The following PIRT variants were observed in gnomAD, a reference collection of about 807,000 sequenced individuals.
PIRT encodes the protein phosphoinositide-interacting protein.
PIRT carries 6 observed loss-of-function variants against 7.9 expected under a neutral mutation model. The observed-to-expected ratio is 0.76, with a 90% confidence interval of 0.42 to 1.51. The LOEUF (loss-of-function observed/expected upper bound fraction) is 1.51, where lower values mean the gene tolerates loss of function less well. PIRT is among the 40% of genes most tolerant of loss of function. PIRT has a pLI of 0.01. For synonymous variants in PIRT, 78 were observed against 71.8 expected (o/e 1.09, Z -0.44); for missense variants, 170 against 172.9 (o/e 0.98, Z 0.09).
chr17:10,824,015 C>G lies in PIRT; in HGVS notation c.*1217G>C, dbSNP rs1905260345. On this transcript the variant is annotated 3_prime_UTR_variant, in exon 2 of 2. Transcript: ENST00000580256. ...CCATTCTTTCCCCTCTTTGGTAACT[C>G]TTATCTTTCCTTTTGTTTTTGGGTT... 1 of 152,296 alleles carries G rather than the reference C, an allele frequency of 6.6e-6. No individual in the cohort carries two copies. The highest frequency in any genetic ancestry group is 2.1e-4 in the South Asian group (1 of 4,836). 9.4% of individuals were successfully genotyped at this position (152,296 alleles called of 1,614,324 possible). A position where few individuals can be genotyped will look rare whatever the true frequency, so the allele number is the denominator to read the frequency against.
intron 1 of PIRT, among the ~76,000 whole-genome samples, chr17:10,826,268 A>G (rs940457173): frequency 2.0e-5 from 3 of 152,144 alleles, no homozygotes; most frequent in Non-Finnish European, 2.9e-5. Flanking sequence ...CCGGCCAGCT[A>G]TATTTTGTTG....
At chr17:10,828,297 T>G (rs1395734943) in intron 1 of PIRT, among the ~76,000 whole-genome samples, 2 of 152,136 alleles carry the variant, frequency 1.3e-5, no homozygotes, top group Non-Finnish European at 2.9e-5. Context: ...ATGACTTTCC[T>G]TAAGCAGCTC....
intron 1 of PIRT, among the ~76,000 whole-genome samples, chr17:10,835,437 C>T (rs147192291): frequency 6.6e-6 from 1 of 152,336 alleles, no homozygotes; most frequent in African/African-American, 2.4e-5. Flanking sequence ...CCCAAGATGA[C>T]TCACAGATGA....
At chr17:10,830,275 G>A (rs943452644) in intron 1 of PIRT, among the ~76,000 whole-genome samples, 4 of 152,146 alleles carry the variant, frequency 2.6e-5, no homozygotes, top group African/African-American at 7.2e-5. Context: ...GCTGTGAGTG[G>A]AACTCTGTAC....
rs1905263605 is a variant in PIRT, at chr17:10,824,198, A to AG, written c.*1033dup. The AG allele has an allele frequency of 6.6e-6, 1 of 152,210 alleles. No individual in the cohort carries two copies. The highest frequency in any genetic ancestry group is 1.5e-5 in the Non-Finnish European group (1 of 68,044). 9.4% of individuals were successfully genotyped at this position (152,210 alleles called of 1,614,324 possible). A position where few individuals can be genotyped will look rare whatever the true frequency, so the allele number is the denominator to read the frequency against. ...CAGGGACCGTGTCTTGCCCCCAGCCAGGGCTTATCCCAGAATGCGACACTT... is the reference window on the plus strand; with the variant it reads ...CAGGGACCGTGTCTTGCCCCCAGCCAGGGGCTTATCCCAGAATGCGACACTT... On this transcript the variant is annotated 3_prime_UTR_variant, in exon 2 of 2. Coordinates refer to ENST00000580256, the MANE Select transcript of PIRT (RefSeq NM_001101387.2).
intron 1 of PIRT, among the ~76,000 whole-genome samples, chr17:10,834,900 T>G (rs536248989): frequency 0.034 from 5,123 of 150,948 alleles, 271 homozygotes; most frequent in African/African-American, 0.11. Context: ...TTGTTTGTTT[T>G]TTTTTTTTTT....
Position 10,825,740 on chromosome 17 carries a change from A to T in PIRT, c.-95T>A, listed in dbSNP as rs1000552834. The T allele has an allele frequency of 4.0e-6, 5 of 1,263,414 alleles. No individual in the cohort carries two copies. Among genetic ancestry groups the T allele is most frequent in the Non-Finnish European group, 5.2e-6 (5 of 963,172 alleles). The allele number at this position is 1,263,414 out of a possible 1,614,324, so 78.3% of individuals were successfully genotyped here. A position where few individuals can be genotyped will look rare whatever the true frequency, so the allele number is the denominator to read the frequency against. On this transcript the variant is annotated 5_prime_UTR_variant, in exon 2 of 2. An upstream start codon of the reference 5' UTR is lost. Transcript: ENST00000580256. ...CACACCCTTCCTGTACTCAGCATCC[A>T]TCTCTAGCCCCGCTCTCAGTGGAGG...
intron 1 of PIRT, among the ~76,000 whole-genome samples, chr17:10,836,206 C>T (rs1319179937): frequency 1.3e-5 from 2 of 152,120 alleles, no homozygotes; most frequent in Admixed American, 1.3e-4. Flanking sequence ...CCCGGCCAAT[C>T]CTGCTCTTTT....
At chr17:10,834,185 GA>G (rs369253690) in intron 1 of PIRT, among the ~76,000 whole-genome samples, 87 of 151,064 alleles carry the variant, frequency 5.8e-4, no homozygotes, top group African/African-American at 2.0e-3. Flanking sequence ...AAATAAAAAA[GA>G]AAAAAAAGAA....
Position 10,824,377 on chromosome 17 carries a change from C to T in PIRT, c.*855G>A, listed in dbSNP as rs1352661668. The T allele has an allele frequency of 2.0e-5, 3 of 152,160 alleles. No homozygotes were observed. Among genetic ancestry groups the T allele is most frequent in the Non-Finnish European group, 2.9e-5 (2 of 68,044 alleles). The allele number at this position is 152,160 out of a possible 1,614,324, so 9.4% of individuals were successfully genotyped here. Reference sequence around the variant, plus strand: ...TGATGGACGTGAAAGGGAAAACAACCTTACAGGATCCCTCTGTATCTTTCC... The same window carrying T: ...TGATGGACGTGAAAGGGAAAACAACTTTACAGGATCCCTCTGTATCTTTCC... On this transcript the variant is annotated 3_prime_UTR_variant, in exon 2 of 2. Coordinates refer to ENST00000580256, the MANE Select transcript of PIRT (RefSeq NM_001101387.2).
chr17:10,829,212 T>C (rs1355872294), intron 1 of PIRT, among the ~76,000 whole-genome samples: 1 of 152,134 alleles, frequency 6.6e-6, no homozygotes, highest in Non-Finnish European at 1.5e-5. Flanking sequence ...GGCGATATGA[T>C]GGCTGTTTCC....
intron 1 of PIRT, among the ~76,000 whole-genome samples, chr17:10,831,428 A>G (rs1315767834): frequency 6.6e-6 from 1 of 152,164 alleles, no homozygotes; most frequent in East Asian, 1.9e-4. Context: ...TCTAAATCCA[A>G]TGATTGGCAT....
At chr17:10,830,328 C>T (rs1905434624) in intron 1 of PIRT, among the ~76,000 whole-genome samples, 1 of 152,202 alleles carries the variant, frequency 6.6e-6, no homozygotes, top group Non-Finnish European at 1.5e-5. Flanking sequence ...CAGCAAGTCA[C>T]TAAACTTACT....
intron 1 of PIRT, among the ~76,000 whole-genome samples, chr17:10,833,343 GA>G (rs906055434): frequency 1.3e-4 from 20 of 150,608 alleles, no homozygotes; most frequent in Admixed American, 2.0e-4. Context: ...GATAGAGACA[GA>G]AAAAAAAATC....
chr17:10,825,963 T>C (rs1286848425), intron 1 of PIRT, among the ~76,000 whole-genome samples, 180 bp from the exon 2 acceptor site: 1 of 151,992 alleles, frequency 6.6e-6, no homozygotes, highest in Non-Finnish European at 1.5e-5. Flanking sequence ...TTTTTGTTTG[T>C]TTGCTTGTTT....
At chr17:10,826,905 C>G (rs9913730) in intron 1 of PIRT, among the ~76,000 whole-genome samples, 27,731 of 152,046 alleles carry the variant, frequency 0.18, 3,256 homozygotes, top group African/African-American at 0.32. Context: ...CTCCGCCTCC[C>G]GGGTTCAAAC....
chr17:10,832,149 G>C (rs931615397), intron 1 of PIRT, among the ~76,000 whole-genome samples: 9 of 152,132 alleles, frequency 5.9e-5, no homozygotes, highest in African/African-American at 2.2e-4. Flanking sequence ...CCTTTGGTGG[G>C]GGTAGTGACT....
intron 1 of PIRT, among the ~76,000 whole-genome samples, chr17:10,834,312 A>G (rs183791258): frequency 2.0e-5 from 3 of 152,332 alleles, no homozygotes; most frequent in African/African-American, 7.2e-5. Flanking sequence ...GAAGCGCACA[A>G]CAGCATGGAT....
intron 1 of PIRT, among the ~76,000 whole-genome samples, chr17:10,837,091 C>A (rs1186626996): frequency 6.6e-6 from 1 of 152,212 alleles, no homozygotes; most frequent in East Asian, 1.9e-4. Flanking sequence ...TCACCATGGC[C>A]ATGGCCACCC....
Sources: allele counts gnomAD v4.1 joint callset (sites outside exome capture counted in the v4.1 genomes callset), GRCh38; gene constraint gnomAD v4.1.1; transcripts MANE v1.5; gene names NCBI Gene and HGNC (gene_info 2026-07-23, HGNC 2026-07-21).